The following SRGAP2 variants were observed in gnomAD, a reference collection of about 807,000 sequenced individuals.
SRGAP2 encodes the protein SLIT-ROBO Rho GTPase-activating protein 2.
A neutral mutation model predicts 57.2 loss-of-function variants in SRGAP2; 15 were observed. That is an observed-to-expected ratio of 0.26 (90% CI 0.18 to 0.40). SRGAP2 has a LOEUF of 0.40. Among genes scored for constraint, SRGAP2 ranks in the 10% least tolerant of loss-of-function variants. The pLI, the probability that SRGAP2 is intolerant of heterozygous loss-of-function variation, is 1.00. For missense variants in SRGAP2, 520 were observed against 669.6 expected (o/e 0.78, Z 2.47); for synonymous variants, 249 against 248.0 (o/e 1.00, Z -0.04).
chr1:206,424,346 A>AGAC (rs1467556708), intron 13 of SRGAP2, among the ~76,000 whole-genome samples: 3 of 152,226 alleles, frequency 2.0e-5, no homozygotes, highest in Non-Finnish European at 4.4e-5. Flanking sequence ...AGAAAGGAAG[A>AGAC]GACGAATAGT....
chr1:206,386,103 T>C (rs1452048830), intron 5 of SRGAP2, among the ~76,000 whole-genome samples: 1 of 152,178 alleles, frequency 6.6e-6, no homozygotes, highest in Non-Finnish European at 1.5e-5. Flanking sequence ...AAGACATTTT[T>C]GATTGTCACA....
chr1:206,339,244 G>A (rs1674994531), intron 3 of SRGAP2, among the ~76,000 whole-genome samples: 1 of 151,874 alleles, frequency 6.6e-6, no homozygotes, highest in Admixed American at 6.6e-5. Flanking sequence ...GAGATGGTAT[G>A]ATATTAAGCA....
intron 16 of SRGAP2, among the ~76,000 whole-genome samples, chr1:206,439,512 G>A (rs1662075784): frequency 6.6e-6 from 1 of 151,950 alleles, no homozygotes; most frequent in Non-Finnish European, 1.5e-5. Flanking sequence ...TTGAGGCTTT[G>A]TGTTGAGCAG....
At chr1:206,325,656 G>T (rs1463057625) in intron 3 of SRGAP2, among the ~76,000 whole-genome samples, 12 of 151,096 alleles carry the variant, frequency 7.9e-5, no homozygotes, top group African/African-American at 2.9e-4. Flanking sequence ...ACTTTTTTCT[G>T]TTATTCTCTT....
chr1:206,436,301 C>A (rs1351665949), intron 14 of SRGAP2, among the ~76,000 whole-genome samples: 1 of 151,982 alleles, frequency 6.6e-6, no homozygotes, highest in Non-Finnish European at 1.5e-5. Context: ...TAATCTCAGA[C>A]CTTATGAAAC....
chr1:206,451,284 C>A (rs146893325), intron 19 of SRGAP2, among the ~76,000 whole-genome samples: 24 of 152,182 alleles, frequency 1.6e-4, no homozygotes, highest in Non-Finnish European at 2.9e-4. Flanking sequence ...TACAGACATG[C>A]GAGTGCCGAG....
chr1:206,252,237 G>A lies in SRGAP2; in HGVS notation c.67+46200G>A, dbSNP rs1372223089. 2.1e-5 allele frequency among the ~76,000 whole-genome samples: 3 copies of A among 144,952 alleles called. No individual in the cohort carries two copies. In the East Asian group the frequency reaches 6.4e-4, roughly 31 times the overall value. ...TTCTATGCTAAAAGTTTTACTTTAA[G>A]ATTTAGGCCTGCTTTTTTCTTTCTC... is the stretch of plus-strand genomic sequence containing the variant. On this transcript the variant is annotated intron_variant, in intron 2 of 22. Coordinates refer to ENST00000573034, the MANE Select transcript of SRGAP2 (RefSeq NM_015326.5).
intron 12 of SRGAP2, among the ~76,000 whole-genome samples, 195 bp from the exon 13 acceptor site, chr1:206,421,055 C>T (rs1244386499): frequency 1.3e-5 from 2 of 152,192 alleles, no homozygotes; most frequent in African/African-American, 2.4e-5. Context: ...AGTAATTTAT[C>T]AAGTTTCTTA....
chr1:206,362,800 AG>A (rs1195193351), intron 4 of SRGAP2, among the ~76,000 whole-genome samples: 1 of 151,780 alleles, frequency 6.6e-6, no homozygotes, highest in Non-Finnish European at 1.5e-5. Context: ...AAGTGGAAAC[AG>A]TATGTTTCCT....
At chr1:206,375,824 A>G (rs1553344382) in intron 4 of SRGAP2, among the ~76,000 whole-genome samples, 1 of 152,122 alleles carries the variant, frequency 6.6e-6, no homozygotes, top group East Asian at 1.9e-4. Flanking sequence ...CAAAGTTCAC[A>G]TCATGCCAAG....
chr1:206,292,109 C>T (rs1446896259), intron 2 of SRGAP2, among the ~76,000 whole-genome samples: 1 of 152,014 alleles, frequency 6.6e-6, no homozygotes, highest in Non-Finnish European at 1.5e-5. Context: ...TTGACTATAG[C>T]TTCATGAGAG....
At position 206,463,240 on chromosome 1, in the gene SRGAP2, T is replaced by C. The variant is rs1553381633; in HGVS notation, c.*1820T>C. On this transcript the variant is annotated 3_prime_UTR_variant, in exon 23 of 23. Coordinates refer to ENST00000573034, the MANE Select transcript of SRGAP2 (RefSeq NM_015326.5). The stretch of plus-strand genomic sequence containing the variant: ...TAACCTGCAGCACCAGAGAAACCTT[T>C]CCAAGTGCTAGGCAGGAGAACTGAA... 1 of 152,464 alleles carries C rather than the reference T, an allele frequency of 6.6e-6. No individual in the cohort carries two copies. The highest frequency in any genetic ancestry group is 1.9e-4 in the East Asian group (1 of 5,190). 9.4% of individuals were successfully genotyped at this position (152,464 alleles called of 1,614,324 possible).
At chr1:206,342,118 A>G (rs1227053087) in intron 3 of SRGAP2, among the ~76,000 whole-genome samples, 3 of 152,154 alleles carry the variant, frequency 2.0e-5, no homozygotes, top group African/African-American at 7.2e-5. Context: ...ACATGAGATC[A>G]TGGCTCAATA....
At chr1:206,333,458 G>A in intron 3 of SRGAP2, 2 of 1,487,038 alleles carry the variant, frequency 1.3e-6, no homozygotes, top group Non-Finnish European at 1.9e-6. Context: ...CGAGGGTGAG[G>A]AACCGGCGGG....
intron 13 of SRGAP2, among the ~76,000 whole-genome samples, chr1:206,423,973 T>TA (rs1212871699): frequency 2.8e-5 from 4 of 143,542 alleles, no homozygotes; most frequent in South Asian, 2.2e-4. Flanking sequence ...TTTTTTTTTT[T>TA]ATAGAGACTG....
rs1664440614 is a variant in SRGAP2 at position 206,464,345 on chromosome 1, T to C, written c.*2925T>C. 6.6e-6 allele frequency: 1 copy of C among 152,662 alleles called. No homozygotes were observed. The highest frequency in any genetic ancestry group is 6.5e-5 in the Admixed American group (1 of 15,292). The allele number at this position is 152,662 out of a possible 1,614,324, so 9.5% of individuals were successfully genotyped here. On this transcript the variant is annotated 3_prime_UTR_variant, in exon 23 of 23. Coordinates refer to ENST00000573034, the MANE Select transcript of SRGAP2 (RefSeq NM_015326.5). ...ATATTGTATGTATGCTTGGAGATGC[T>C]TTGTGTGAACCTAAGACTGTCACTC...
chr1:206,424,974 G>T (rs1307373146), intron 13 of SRGAP2, among the ~76,000 whole-genome samples: 1 of 152,232 alleles, frequency 6.6e-6, no homozygotes, highest in Non-Finnish European at 1.5e-5. Context: ...GGCTGCATGT[G>T]AGTGCTGCTG....
chr1:206,439,947 A>T, intron 16 of SRGAP2, 29 bp from the exon 17 acceptor site: 3 of 778,670 alleles, frequency 3.9e-6, no homozygotes, highest in Non-Finnish European at 7.2e-6. Flanking sequence ...GTCATAGTGG[A>T]GGATAACACA....
intron 2 of SRGAP2, among the ~76,000 whole-genome samples, chr1:206,237,202 C>T (rs190353481): frequency 1.3e-4 from 19 of 151,950 alleles, no homozygotes; most frequent in Admixed American, 5.2e-4. Context: ...GCAAAGGTTG[C>T]AGTGAGCCGA....
Sources: allele counts gnomAD v4.1 joint callset (sites outside exome capture counted in the v4.1 genomes callset), GRCh38; gene constraint gnomAD v4.1.1; transcripts MANE v1.5; gene names NCBI Gene and HGNC (gene_info 2026-07-23, HGNC 2026-07-21).